The following MOB3A variants were observed in gnomAD, a reference collection of about 807,000 sequenced individuals.
MOB3A encodes the protein MOB LAK.
In MOB3A, 17 loss-of-function variants were observed where a neutral mutation model predicts 17.8. That is an observed-to-expected ratio of 0.95 (90% CI 0.65 to 1.43). The LOEUF (loss-of-function observed/expected upper bound fraction) is 1.43. Ranked by LOEUF, MOB3A falls within the 40% of genes most tolerant of loss-of-function variation. MOB3A has a pLI of 0.00. For missense variants in MOB3A, 333 were observed against 310.8 expected (o/e 1.07, Z -0.54); for synonymous variants, 124 against 133.2 (o/e 0.93, Z 0.48).
chr19:2,087,450 C>G (rs1021815039), intron 1 of MOB3A, among the ~76,000 whole-genome samples: 4 of 152,178 alleles, frequency 2.6e-5, no homozygotes, highest in African/African-American at 9.7e-5. Context: ...GCCAGGAGCT[C>G]AAGACCAGCC....
At chr19:2,073,953 C>T (rs1034437732) in intron 4 of MOB3A, among the ~76,000 whole-genome samples, 2 of 151,932 alleles carry the variant, frequency 1.3e-5, no homozygotes, top group Non-Finnish European at 2.9e-5. Context: ...ATCGCTTGAA[C>T]CTGGGAGACA....
intron 2 of MOB3A, among the ~76,000 whole-genome samples, chr19:2,079,002 C>T (rs45515297): frequency 0.021 from 3,214 of 152,332 alleles, 40 homozygotes; most frequent in Middle Eastern, 0.075. Context: ...TCACATGATC[C>T]TCTCACCTCT....
At position 2,093,922 on chromosome 19, in the gene MOB3A, A is replaced by T. The variant is rs541685607; in HGVS notation, c.-274+2304T>A. Among the ~76,000 whole-genome samples, 46 of 152,124 alleles carry T rather than the reference A, an allele frequency of 3.0e-4. No homozygotes were observed. The highest frequency in any genetic ancestry group is 9.2e-4 in the African/African-American group (38 of 41,470). ...CGGTAGATCTCAGTGAGTTCTAATA[A>T]ACAGGTCCCTGACAACTGCGGTTAA... On this transcript the variant is annotated intron_variant, in intron 1 of 4. Coordinates refer to ENST00000357066, the MANE Select transcript of MOB3A (RefSeq NM_130807.3). The surrounding 1 kb of genome is among the most constrained non-coding windows in gnomAD (Gnocchi z 4.6).
intron 2 of MOB3A, among the ~76,000 whole-genome samples, chr19:2,079,208 C>T (rs2017455698): frequency 6.6e-6 from 1 of 152,268 alleles, no homozygotes; most frequent in African/African-American, 2.4e-5. Context: ...CCCGCAGGGG[C>T]CGCATCTTCC....
At chr19:2,092,922 C>T (rs1008390239) in intron 1 of MOB3A, among the ~76,000 whole-genome samples, 1 of 152,056 alleles carries the variant, frequency 6.6e-6, no homozygotes. Context: ...TTCTCTGGGA[C>T]TCCGAAAGGC....
intron 1 of MOB3A, among the ~76,000 whole-genome samples, chr19:2,092,279 T>C (rs2017623144): frequency 6.6e-6 from 1 of 151,688 alleles, no homozygotes; most frequent in Non-Finnish European, 1.5e-5. Flanking sequence ...TTTTGTATTT[T>C]TGGTAGAGAT....
intron 1 of MOB3A, among the ~76,000 whole-genome samples, chr19:2,086,662 G>A (rs2017557518): frequency 6.6e-6 from 1 of 151,978 alleles, no homozygotes; most frequent in African/African-American, 2.4e-5. Flanking sequence ...CTGGCCTGAG[G>A]GTTTACTTTT....
In MOB3A at chr19:2,078,416, C is replaced by G. The variant is rs145491125; in HGVS notation, c.145G>C (p.Val49Leu). Residue 49 changes from valine (V) to leucine (L), a missense_variant, in exon 3 of 5, where the codon GTG becomes CTG. Transcript: ENST00000357066. The part of the protein sequence containing the change: ...LNAGLDLRLA[V>L]QLPPGEDLND... Reference sequence around the variant, plus strand: ...AGGTCCTCGCCCGGGGGCAACTGCACGGCCAGCCGCAGGTCCAGCCCGGCG... The same window carrying G: ...AGGTCCTCGCCCGGGGGCAACTGCAGGGCCAGCCGCAGGTCCAGCCCGGCG... 7 of 1,613,842 alleles carry G rather than the reference C, an allele frequency of 4.3e-6. No individual in the cohort carries two copies. The African/African-American group carries it at 9.3e-5, about 22-fold the overall frequency.
chr19:2,087,391 G>A (rs987431726), intron 1 of MOB3A, among the ~76,000 whole-genome samples: 5 of 152,164 alleles, frequency 3.3e-5, no homozygotes, highest in East Asian at 1.9e-4. Context: ...AGTGGCTCAC[G>A]CCTGTAATCC....
intron 4 of MOB3A, among the ~76,000 whole-genome samples, chr19:2,073,647 G>T (rs554526490): frequency 6.6e-6 from 1 of 152,082 alleles, no homozygotes; most frequent in Non-Finnish European, 1.5e-5. Context: ...TGGGCCAGAC[G>T]GTCCCTGTCA....
Position 2,086,259 on chromosome 19 carries a change from C to T in MOB3A, c.-273-931G>A, listed in dbSNP as rs558234325. Among the ~76,000 whole-genome samples the T allele has an allele frequency of 5.3e-5, 8 of 152,124 alleles. No homozygotes were observed. In the East Asian group the frequency reaches 7.8e-4, roughly 15 times the overall value. ...TTCGCCATGTTGGCCAGGCTGGTCT[C>T]GAACTCCTGACCTCAAGTGATCTGC... On this transcript the variant is annotated intron_variant, in intron 1 of 4. Coordinates refer to ENST00000357066, the MANE Select transcript of MOB3A (RefSeq NM_130807.3).
At chr19:2,076,156 C>T (rs2017403467) in intron 4 of MOB3A, among the ~76,000 whole-genome samples, 3 of 145,746 alleles carry the variant, frequency 2.1e-5, no homozygotes, top group African/African-American at 7.6e-5. Context: ...AGGCCAGGCA[C>T]AGTGGCTCCC....
chr19:2,078,238 C>A lies in MOB3A; in HGVS notation c.323G>T (p.Arg108Leu), dbSNP rs141394714. The A allele has an allele frequency of 6.2e-7, 1 of 1,613,912 alleles. No homozygotes were observed. The highest frequency in any genetic ancestry group is 8.5e-7 in the Non-Finnish European group (1 of 1,179,908). The change falls in exon 3 of 5, where the codon CGG (arginine) becomes CTG (leucine). Residue 108 changes from arginine to leucine, a missense_variant. Physicochemically the swap from Arg to Leu is moderately radical, Grantham distance 102 (BLOSUM62 -2). Coordinates refer to ENST00000357066, the MANE Select transcript of MOB3A (RefSeq NM_130807.3). ...EYRWQDEHKF[R>L]KPTALSAPRY... ...GGGCGCGGAGAGTGCCGTGGGCTTC[C>A]GGAACTTATGCTCATCCTGCCAGCG...
At position 2,095,684 on chromosome 19, in the gene MOB3A, G is replaced by A. The variant is rs551335022; in HGVS notation, c.-274+542C>T. Reference sequence around the variant, plus strand: ...GGGGATCGGCCTCCTCGCCGCCTAAGTTCACCCCTCCTGAAGGATCCGGCT... The same window carrying A: ...GGGGATCGGCCTCCTCGCCGCCTAAATTCACCCCTCCTGAAGGATCCGGCT... On this transcript the variant is annotated intron_variant, in intron 1 of 4. Coordinates refer to ENST00000357066, the MANE Select transcript of MOB3A (RefSeq NM_130807.3). Among the ~76,000 whole-genome samples the A allele has an allele frequency of 5.3e-5, 8 of 151,954 alleles. No homozygotes were observed. The South Asian group carries it at 1.7e-3, about 32-fold the overall frequency.
intron 4 of MOB3A, among the ~76,000 whole-genome samples, chr19:2,075,505 G>T (rs1451956441): frequency 1.3e-5 from 2 of 152,062 alleles, no homozygotes; most frequent in Non-Finnish European, 2.9e-5. Context: ...TGCTGGCTGT[G>T]GTCCCAGCTA....
intron 2 of MOB3A, among the ~76,000 whole-genome samples, chr19:2,081,260 T>A (rs2017483270): frequency 6.7e-6 from 1 of 150,108 alleles, no homozygotes; most frequent in Non-Finnish European, 1.5e-5. Context: ...GGCCTGGGGG[T>A]CGGGGGGAAG....
intron 1 of MOB3A, among the ~76,000 whole-genome samples, chr19:2,092,306 G>A (rs1370364964): frequency 1.3e-5 from 2 of 151,850 alleles, no homozygotes; most frequent in Non-Finnish European, 2.9e-5. Context: ...TTACTATGTT[G>A]CCCAGGCTGG....
intron 1 of MOB3A, among the ~76,000 whole-genome samples, chr19:2,091,970 C>T (rs1327775945): frequency 6.7e-6 from 1 of 149,024 alleles, no homozygotes; most frequent in Non-Finnish European, 1.5e-5. Flanking sequence ...GCACTCCAGC[C>T]TGGGCGACGA....
chr19:2,091,368 C>G (rs55924931), intron 1 of MOB3A, among the ~76,000 whole-genome samples: 24,883 of 152,052 alleles, frequency 0.16, 2,362 homozygotes, highest in African/African-American at 0.25. Flanking sequence ...AGTTGCAAAA[C>G]AGTATGGATA....
Sources: allele counts gnomAD v4.1 joint callset (sites outside exome capture counted in the v4.1 genomes callset), GRCh38; gene constraint gnomAD v4.1.1; non-coding constraint Gnocchi (gnomAD v3.1); transcripts MANE v1.5; gene names NCBI Gene and HGNC (gene_info 2026-07-23, HGNC 2026-07-21).